KCNC2: variants seen among roughly 807,000 people sequenced by gnomAD.
KCNC2 encodes the protein voltage-gated potassium channel KCNC2.
Under a neutral mutation model 44.5 loss-of-function variants are expected in KCNC2, and 21 were observed. The observed-to-expected ratio is 0.47, with a 90% CI of 0.33 to 0.68. KCNC2 has a LOEUF of 0.68. Among genes scored for constraint, KCNC2 ranks in the 30% least tolerant of loss-of-function variants. The probability of loss-of-function intolerance (pLI) is 0.01; values close to 1 mark genes in which losing one functional copy is unlikely to be tolerated. For missense variants in KCNC2, 589 were observed against 826.2 expected (o/e 0.71, Z 3.52); for synonymous variants, 391 against 339.1 (o/e 1.15, Z -1.68).
intron 2 of KCNC2, among the ~76,000 whole-genome samples, chr12:75,081,927 G>A (rs1158057525): frequency 6.6e-6 from 1 of 151,896 alleles, no homozygotes; most frequent in Non-Finnish European, 1.5e-5. Flanking sequence ...CATACCAAGA[G>A]TCTTCAAAAT....
At chr12:75,059,444 A>G (rs1268034469) in intron 2 of KCNC2, among the ~76,000 whole-genome samples, 1 of 152,146 alleles carries the variant, frequency 6.6e-6, no homozygotes, top group Non-Finnish European at 1.5e-5. Flanking sequence ...CAACTCATTG[A>G]ATGCAGAAGC....
intron 2 of KCNC2, among the ~76,000 whole-genome samples, chr12:75,135,489 A>G (rs927601680): frequency 2.6e-5 from 4 of 152,070 alleles, no homozygotes; most frequent in African/African-American, 9.6e-5. Flanking sequence ...AGATAAATAA[A>G]TACATGCTTA....
At chr12:75,096,117 A>G (rs1885898832) in intron 2 of KCNC2, among the ~76,000 whole-genome samples, 1 of 152,002 alleles carries the variant, frequency 6.6e-6, no homozygotes, top group Non-Finnish European at 1.5e-5. Context: ...ATACATTACA[A>G]CAGACAAATA....
At position 75,055,187 on chromosome 12, in the gene KCNC2, G is replaced by C. The variant is rs17114521; in HGVS notation, c.688-3870C>G. ...ACGATTGTTACTACTGAGTATGGCA[G>C]GATAGATAAAGGGGTGGAAGAATTA... On this transcript the variant is annotated intron_variant, in intron 2 of 4. Transcript: ENST00000549446. Among the ~76,000 whole-genome samples the C allele has an allele frequency of 7.2e-5, 11 of 152,040 alleles. No individual in the cohort carries two copies. In the South Asian group the frequency reaches 1.9e-3, roughly 26 times the overall value.
chr12:75,207,438 G>A lies in KCNC2; in HGVS notation c.546C>T (p.Asp182=). 1 of 1,608,486 alleles carries A rather than the reference G, an allele frequency of 6.2e-7. No individual in the cohort carries two copies. Among genetic ancestry groups the A allele is most frequent in the South Asian group, 1.1e-5 (1 of 90,402 alleles). The change falls in exon 2 of 5, where the codon GAC becomes GAT. Residue 182 remains aspartate, a synonymous_variant. Coordinates refer to ENST00000549446, the MANE Select transcript of KCNC2 (RefSeq NM_139137.4). This position sits in a 1 kb window ranked among gnomAD's most constrained non-coding sequence, Gnocchi z 4.1. ...CCAGCCTCTTGGCCGCCAGGTCCTC[G>A]TCGTCGCCGGGGTCGCCGCCAATGA... ...PDLIGGDPGD[D]EDLAAKRLGI...
At chr12:75,069,935 G>A (rs930363722) in intron 2 of KCNC2, among the ~76,000 whole-genome samples, 10 of 152,170 alleles carry the variant, frequency 6.6e-5, no homozygotes, top group Non-Finnish European at 1.2e-4. Flanking sequence ...CATCATCATC[G>A]AAACAAATCA....
In KCNC2 at chr12:75,207,498, G is replaced by C; in HGVS notation, c.486C>G (p.Ala162=). 1 of 1,612,458 alleles carries C rather than the reference G, an allele frequency of 6.2e-7. No individual in the cohort carries two copies. Among genetic ancestry groups the C allele is most frequent in the Non-Finnish European group, 8.5e-7 (1 of 1,179,810 alleles). ...CWMTYRQHRD[A]EEALDIFETP... ...TCTCGAAGATGTCCAGCGCCTCCTCGGCGTCGCGGTGCTGCCGGTAGGTCA... is the reference window on the plus strand; with the variant it reads ...TCTCGAAGATGTCCAGCGCCTCCTCCGCGTCGCGGTGCTGCCGGTAGGTCA... Residue 162 remains alanine, a synonymous_variant, in exon 2 of 5, where the codon GCC becomes GCG. Transcript: ENST00000549446. This position sits in a 1 kb window ranked among gnomAD's most constrained non-coding sequence, Gnocchi z 4.1.
intron 2 of KCNC2, among the ~76,000 whole-genome samples, chr12:75,165,051 A>G (rs982542978): frequency 4.0e-5 from 6 of 151,600 alleles, no homozygotes; most frequent in African/African-American, 1.5e-4. Context: ...GTTGATGTCA[A>G]GAGAGTGATC....
rs540774018 is a variant in KCNC2 at position 75,173,791 on chromosome 12, A to C, written c.687+33506T>G. Among the ~76,000 whole-genome samples the C allele has an allele frequency of 4.1e-4, 63 of 151,872 alleles. 1 individual carries two copies. Among genetic ancestry groups the C allele is most frequent in the Admixed American group, 3.3e-3 (50 of 15,218 alleles). ...AAATTCACAAAGTCATTACTGCAAT[A>C]CTCTTCATGTTATTGGAATAGCGAA... On this transcript the variant is annotated intron_variant, in intron 2 of 4. Coordinates refer to ENST00000549446, the MANE Select transcript of KCNC2 (RefSeq NM_139137.4).
chr12:75,152,723 T>C (rs1424201375), intron 2 of KCNC2, among the ~76,000 whole-genome samples: 1 of 151,898 alleles, frequency 6.6e-6, no homozygotes, highest in Non-Finnish European at 1.5e-5. Flanking sequence ...TTCTCAGAAA[T>C]AATAATACAT....
chr12:75,149,122 A>G (rs989212398), intron 2 of KCNC2, among the ~76,000 whole-genome samples: 4 of 151,872 alleles, frequency 2.6e-5, no homozygotes, highest in African/African-American at 4.8e-5. Flanking sequence ...TCAATTAATC[A>G]AGGCTGAATT....
At chr12:75,186,736 A>C (rs1458229862) in intron 2 of KCNC2, among the ~76,000 whole-genome samples, 1 of 152,192 alleles carries the variant, frequency 6.6e-6, no homozygotes, top group African/African-American at 2.4e-5. Context: ...TTTCATGAAG[A>C]GATTCTTATT....
rs554631505 is a variant in KCNC2, at chr12:75,150,069, T to A, written c.687+57228A>T. Among the ~76,000 whole-genome samples, 24 of 152,010 alleles carry A rather than the reference T, an allele frequency of 1.6e-4. No homozygotes were observed. The East Asian group carries it at 4.1e-3, about 26-fold the overall frequency. On this transcript the variant is annotated intron_variant, in intron 2 of 4. Coordinates refer to ENST00000549446, the MANE Select transcript of KCNC2 (RefSeq NM_139137.4). ...TCATTTGATTATACAACCTTGAATA[T>A]AAACTGACATTCTGCACCTCTATCC...
Position 75,182,531 on chromosome 12 carries a change from A to C in KCNC2, c.687+24766T>G, listed in dbSNP as rs185877565. Among the ~76,000 whole-genome samples the C allele has an allele frequency of 5.4e-3, 743 of 137,014 alleles. 3 individuals are homozygous for C. Among genetic ancestry groups the C allele is most frequent in the Non-Finnish European group, 8.0e-3 (505 of 62,744 alleles). The allele number at this position is 137,014 out of a possible 152,430, so 89.9% of individuals were successfully genotyped here. On this transcript the variant is annotated intron_variant, in intron 2 of 4. Coordinates refer to ENST00000549446, the MANE Select transcript of KCNC2 (RefSeq NM_139137.4). ...GCGAGATTCCGTCTCAAAAAAAAAA[A>C]AAAAAACAAAAAAAACAAAAAAAAA...
At chr12:75,048,650 G>A (rs1592755084) in intron 3 of KCNC2, among the ~76,000 whole-genome samples, 1 of 151,950 alleles carries the variant, frequency 6.6e-6, no homozygotes, top group African/African-American at 2.4e-5. Context: ...AATTTTTGAC[G>A]TTATCTATTT....
chr12:75,128,432 C>G (rs149050184), intron 2 of KCNC2, among the ~76,000 whole-genome samples: 1 of 152,064 alleles, frequency 6.6e-6, no homozygotes, highest in African/African-American at 2.4e-5. Flanking sequence ...AAAAACAATA[C>G]TTGGAGAATT....
chr12:75,185,971 A>G (rs774974073), intron 2 of KCNC2, among the ~76,000 whole-genome samples: 32 of 152,050 alleles, frequency 2.1e-4, no homozygotes, highest in Admixed American at 2.0e-4. Flanking sequence ...ACTTGAACCC[A>G]GAAGGTGGAG....
chr12:75,208,731 A>T lies in KCNC2; in HGVS notation c.-20+476T>A, dbSNP rs552008804. Reference sequence around the variant, plus strand: ...CAGACCAAGCAAAAAGACAACACAGAAGTCAGAGAAAAAAAAAATCTCTGC... The same window carrying T: ...CAGACCAAGCAAAAAGACAACACAGTAGTCAGAGAAAAAAAAAATCTCTGC... On this transcript the variant is annotated intron_variant, in intron 1 of 4. Coordinates refer to ENST00000549446, the MANE Select transcript of KCNC2 (RefSeq NM_139137.4). Among the ~76,000 whole-genome samples the T allele has an allele frequency of 4.0e-5, 6 of 151,862 alleles. No homozygotes were observed. In the South Asian group the frequency reaches 1.2e-3, roughly 32 times the overall value.
At chr12:75,087,521 A>G (rs946679259) in intron 2 of KCNC2, among the ~76,000 whole-genome samples, 1 of 152,052 alleles carries the variant, frequency 6.6e-6, no homozygotes, top group Non-Finnish European at 1.5e-5. Flanking sequence ...ACATTTTCTG[A>G]TTAATCTTTC....
Sources: allele counts gnomAD v4.1 joint callset (sites outside exome capture counted in the v4.1 genomes callset), GRCh38; gene constraint gnomAD v4.1.1; non-coding constraint Gnocchi (gnomAD v3.1); transcripts MANE v1.5; gene names NCBI Gene and HGNC (gene_info 2026-07-23, HGNC 2026-07-21).